Variants in DDX6 observed in about 807,000 individuals in gnomAD.
The protein encoded by DDX6 is probable ATP-dependent RNA helicase DDX6.
DDX6 carries 7 observed loss-of-function variants against 60.6 expected under a neutral mutation model. The observed-to-expected ratio is 0.12, with a 90% CI of 0.07 to 0.22. The LOEUF (loss-of-function observed/expected upper bound fraction) is 0.22, where lower values mean the gene tolerates loss of function less well. Ranked by LOEUF, DDX6 falls within the 10% of genes least tolerant of loss-of-function variation. DDX6 has a pLI of 1.00. For synonymous variants in DDX6, 207 were observed against 201.0 expected, an observed-to-expected ratio of 1.03 and a Z score of -0.25; for missense variants, 270 against 589.9, an observed-to-expected ratio of 0.46 and a Z score of 5.62.
At chr11:118,760,245 GA>G (rs370170151) in intron 7 of DDX6, among the ~76,000 whole-genome samples, 64 of 149,402 alleles carry the variant, frequency 4.3e-4, no homozygotes, top group Non-Finnish European at 7.1e-4. Flanking sequence ...TCTTCTAGGG[GA>G]AAAAAAAAAT....
intron 1 of DDX6, chr11:118,790,028 G>C (rs1862213433): frequency 6.6e-6 from 1 of 152,292 alleles, no homozygotes; most frequent in East Asian, 1.9e-4. Context: ...GTTAGCAATT[G>C]ACAGTTTCAC....
chr11:118,771,475 T>C (rs1861533302), intron 4 of DDX6, among the ~76,000 whole-genome samples: 1 of 152,244 alleles, frequency 6.6e-6, no homozygotes, highest in African/African-American at 2.4e-5. Context: ...TGATGGCCAT[T>C]ATGATTAACA....
At chr11:118,781,005 G>A in intron 3 of DDX6, 116 bp downstream of exon 3, 1 of 642,528 alleles carries the variant, frequency 1.6e-6, no homozygotes, top group Non-Finnish European at 2.9e-6. Flanking sequence ...GTTGGAGGAG[G>A]AGGGTGGCAG....
intron 4 of DDX6, among the ~76,000 whole-genome samples, chr11:118,773,148 T>C (rs1298379762): frequency 6.6e-6 from 1 of 152,218 alleles, no homozygotes; most frequent in Non-Finnish European, 1.5e-5. Context: ...TTTTCCAATC[T>C]CCTAGCATTG....
chr11:118,770,516 T>C (rs528614982), intron 4 of DDX6, among the ~76,000 whole-genome samples: 3 of 152,302 alleles, frequency 2.0e-5, no homozygotes, highest in East Asian at 3.9e-4. Flanking sequence ...GACAACACTC[T>C]TTCTACCTAG....
At chr11:118,775,612 T>C (rs1474681017) in intron 4 of DDX6, among the ~76,000 whole-genome samples, 5 of 152,222 alleles carry the variant, frequency 3.3e-5, no homozygotes, top group African/African-American at 1.2e-4. Context: ...AATACCTTGC[T>C]ATTTCAAAAT....
intron 11 of DDX6, 103 bp from the exon 12 acceptor site, chr11:118,755,606 C>A: frequency 1.5e-6 from 1 of 664,066 alleles, no homozygotes. Context: ...TAATTTAATT[C>A]AGTTATTCAA....
intron 4 of DDX6, among the ~76,000 whole-genome samples, chr11:118,771,902 T>A (rs1861547528): frequency 6.6e-6 from 1 of 152,148 alleles, no homozygotes; most frequent in East Asian, 1.9e-4. Flanking sequence ...TTAAAAAGAG[T>A]TACCATATGA....
At chr11:118,780,374 G>A (rs1037101349) in intron 3 of DDX6, among the ~76,000 whole-genome samples, 3 of 152,082 alleles carry the variant, frequency 2.0e-5, no homozygotes, top group Non-Finnish European at 4.4e-5. Context: ...CTGCAGTGCA[G>A]TGGCGTGATC....
In DDX6 at chr11:118,770,325, G is replaced by C. The variant is rs1591907284; in HGVS notation, c.370-1973C>G. 3.9e-5 allele frequency among the ~76,000 whole-genome samples: 6 copies of C among 152,240 alleles called. 1 individual carries two copies. In the South Asian group the frequency reaches 1.2e-3, roughly 32 times the overall value. On this transcript the variant is annotated intron_variant, in intron 4 of 13. Coordinates refer to ENST00000534980, the MANE Select transcript of DDX6 (RefSeq NM_004397.6). ...TTACAGGCATGAGCCACTGTGTCTG[G>C]CCTGAATTTTTAATTTCTAAAACTA...
chr11:118,751,359 G>A lies in DDX6; in HGVS notation c.*746C>T, dbSNP rs1555157289. On this transcript the variant is annotated 3_prime_UTR_variant, in exon 14 of 14. Coordinates refer to ENST00000534980, the MANE Select transcript of DDX6 (RefSeq NM_004397.6). ...CTCAGCCCAGAAGAAATTTTTACTT[G>A]GGATTGTTTTTTTAAATACATGTAT... 6.6e-6 allele frequency: 1 copy of A among 151,652 alleles called. No homozygotes were observed. The highest frequency in any genetic ancestry group is 1.5e-5 in the Non-Finnish European group (1 of 67,928). The allele number at this position is 151,652 out of a possible 1,614,324, so 9.4% of individuals were successfully genotyped here. A position where few individuals can be genotyped will look rare whatever the true frequency, so the allele number is the denominator to read the frequency against.
chr11:118,775,484 A>G (rs782572862), intron 4 of DDX6, among the ~76,000 whole-genome samples: 1 of 152,204 alleles, frequency 6.6e-6, no homozygotes, highest in Non-Finnish European at 1.5e-5. Context: ...AGAAACACAT[A>G]ATCTTGTGCT....
intron 12 of DDX6, among the ~76,000 whole-genome samples, 174 bp downstream of exon 12, chr11:118,755,225 TTTC>T (rs1276307707): frequency 2.6e-5 from 4 of 152,240 alleles, no homozygotes; most frequent in African/African-American, 9.6e-5. Flanking sequence ...TATTTTAACT[TTTC>T]TTAATAAATG....
At chr11:118,754,923 AAT>A (rs1555158358) in intron 12 of DDX6, 36 bp from the exon 13 acceptor site, 5 of 1,541,278 alleles carry the variant, frequency 3.2e-6, no homozygotes, top group Non-Finnish European at 4.4e-6. Flanking sequence ...TAATGAATAA[AAT>A]ATGAAAATCA....
intron 6 of DDX6, among the ~76,000 whole-genome samples, 160 bp from the exon 7 acceptor site, chr11:118,763,466 T>C (rs1013892577): frequency 6.7e-6 from 1 of 149,496 alleles, no homozygotes; most frequent in Non-Finnish European, 1.5e-5. Context: ...TCCATTATAA[T>C]CTTATGGGAA....
chr11:118,766,602 CTTTT>C (rs1167704443), intron 5 of DDX6, among the ~76,000 whole-genome samples: 1 of 151,862 alleles, frequency 6.6e-6, no homozygotes, highest in Non-Finnish European at 1.5e-5. Flanking sequence ...TCTTCCTCTT[CTTTT>C]TTTTGAGATG....
chr11:118,787,855 A>G (rs935820769), intron 1 of DDX6: 2 of 152,202 alleles, frequency 1.3e-5, no homozygotes, highest in Non-Finnish European at 2.9e-5. Context: ...TTATTCATTT[A>G]TAACAAACTT....
In DDX6 at chr11:118,751,754, T is replaced by C. The variant is rs192447730; in HGVS notation, c.*351A>G. The C allele has an allele frequency of 4.6e-3, 1,400 of 303,748 alleles. 20 individuals carry two copies. Among genetic ancestry groups the C allele is most frequent in the East Asian group, 5.9e-3 (57 of 9,594 alleles). The allele number at this position is 303,748 out of a possible 1,614,324, so 18.8% of individuals were successfully genotyped here. ...CAGCTGTTGGAGAATTTTGAAATCA[T>C]TGACAAGCTTGTGTGTTCATTAAGA... is the stretch of plus-strand genomic sequence containing the variant. On this transcript the variant is annotated 3_prime_UTR_variant, in exon 14 of 14. Transcript: ENST00000534980.
intron 9 of DDX6, among the ~76,000 whole-genome samples, chr11:118,758,275 T>C (rs182875582): frequency 6.6e-6 from 1 of 152,370 alleles, no homozygotes; most frequent in East Asian, 1.9e-4. Flanking sequence ...TCAGAAACTA[T>C]TCAAAAGTGT....
Sources: allele counts gnomAD v4.1 joint callset (sites outside exome capture counted in the v4.1 genomes callset), GRCh38; gene constraint gnomAD v4.1.1; transcripts MANE v1.5; gene names NCBI Gene and HGNC (gene_info 2026-07-23, HGNC 2026-07-21).